The following ASTN1 variants were observed in gnomAD, a reference collection of about 807,000 sequenced individuals.
ASTN1 encodes the protein astrotactin 1, also known as astrotactin-1.
In ASTN1, 41 loss-of-function variants were observed where a neutral mutation model predicts 140.7. The ratio of observed to expected loss-of-function variants is 0.29; its 90% confidence interval spans 0.23 to 0.38. The LOEUF (loss-of-function observed/expected upper bound fraction) is 0.38, where lower values mean the gene tolerates loss of function less well. Ranked by LOEUF, ASTN1 falls within the 10% of genes least tolerant of loss-of-function variation. The pLI is 1.00. For missense variants in ASTN1, 1,479 were observed against 1,678.8 expected, an observed-to-expected ratio of 0.88 and a Z score of 2.08; for synonymous variants, 640 against 652.2, an observed-to-expected ratio of 0.98 and a Z score of 0.29.
intron 1 of ASTN1, among the ~76,000 whole-genome samples, chr1:177,088,299 A>G (rs2102095135): frequency 6.6e-6 from 1 of 152,262 alleles, no homozygotes; most frequent in African/African-American, 2.4e-5. Flanking sequence ...CCAAAGTTCC[A>G]TTGCCAGAGT....
chr1:176,904,798 G>T (rs1571487927), intron 16 of ASTN1, among the ~76,000 whole-genome samples: 1 of 152,288 alleles, frequency 6.6e-6, no homozygotes, highest in South Asian at 2.1e-4. Flanking sequence ...GGCAACTGTG[G>T]CAGAGCAAGA....
In ASTN1 at chr1:176,892,277, G is replaced by C. The variant is rs183958500; in HGVS notation, c.2940+2285C>G. Among the ~76,000 whole-genome samples, 247 of 152,242 alleles carry C rather than the reference G, an allele frequency of 1.6e-3. 1 individual carries two copies. Among genetic ancestry groups the C allele is most frequent in the Non-Finnish European group, 2.8e-3 (192 of 68,020 alleles). ...AGTTCATATTAGATATATAATTCTG[G>C]GTGGTCTGTTAGGGAGACCAGTGAG... On this transcript the variant is annotated intron_variant, in intron 17 of 22. Transcript: ENST00000361833.
chr1:176,886,089 T>G (rs944764213), intron 18 of ASTN1, among the ~76,000 whole-genome samples: 3 of 152,070 alleles, frequency 2.0e-5, no homozygotes, highest in Non-Finnish European at 4.4e-5. Context: ...AGAACACAAA[T>G]TCTGTGAAAA....
chr1:177,049,357 A>C (rs947834066), intron 2 of ASTN1, among the ~76,000 whole-genome samples: 1 of 152,214 alleles, frequency 6.6e-6, no homozygotes, highest in African/African-American at 2.4e-5. Flanking sequence ...ATCAACTATA[A>C]CATCAAACCC....
intron 1 of ASTN1, among the ~76,000 whole-genome samples, chr1:177,076,415 G>A (rs1678915165): frequency 6.6e-6 from 1 of 152,118 alleles, no homozygotes; most frequent in African/African-American, 2.4e-5. Context: ...GGAAACAAAT[G>A]AAGGGGGAAG....
chr1:177,034,270 C>G (rs1676600120), intron 2 of ASTN1, among the ~76,000 whole-genome samples: 1 of 151,872 alleles, frequency 6.6e-6, no homozygotes. Context: ...CACACACACA[C>G]ACACACACAC....
chr1:177,035,489 G>C (rs569620216), intron 2 of ASTN1, among the ~76,000 whole-genome samples: 1 of 152,138 alleles, frequency 6.6e-6, no homozygotes, highest in Non-Finnish European at 1.5e-5. Flanking sequence ...ATAAACAAAC[G>C]ACCTTTAGTA....
chr1:177,083,001 C>T (rs1276448399), intron 1 of ASTN1, among the ~76,000 whole-genome samples: 4 of 152,042 alleles, frequency 2.6e-5, no homozygotes, highest in African/African-American at 9.7e-5. Context: ...CTATTAAACC[C>T]AAGATAAAAG....
intron 16 of ASTN1, among the ~76,000 whole-genome samples, chr1:176,905,427 C>T (rs936261732): frequency 1.4e-4 from 21 of 152,202 alleles, no homozygotes; most frequent in Admixed American, 1.0e-3. Flanking sequence ...AATAATACTA[C>T]TCCAACCGGC....
chr1:176,921,415 T>C (rs1174900557), intron 16 of ASTN1, among the ~76,000 whole-genome samples: 5 of 152,232 alleles, frequency 3.3e-5, no homozygotes, highest in African/African-American at 1.2e-4. Flanking sequence ...AGTATTTTTG[T>C]GCCTTTTGTT....
At chr1:176,916,906 G>A (rs978330414) in intron 16 of ASTN1, among the ~76,000 whole-genome samples, 7 of 151,952 alleles carry the variant, frequency 4.6e-5, no homozygotes, top group Middle Eastern at 3.2e-3. Context: ...TCCCCGCCCC[G>A]CCCACAACCA....
intron 1 of ASTN1, among the ~76,000 whole-genome samples, chr1:177,149,233 AAT>A (rs1285386588): frequency 3.5e-4 from 28 of 79,660 alleles, no homozygotes; most frequent in African/African-American, 1.8e-3. Context: ...ATATATAGTA[AAT>A]ATATATATAC....
At chr1:176,895,837 T>G (rs1401855147) in intron 16 of ASTN1, among the ~76,000 whole-genome samples, 1 of 152,222 alleles carries the variant, frequency 6.6e-6, no homozygotes, top group Admixed American at 6.5e-5. Context: ...AAAAAAGCAC[T>G]GGGTTTCTGA....
At chr1:176,899,602 C>G (rs1162541929) in intron 16 of ASTN1, among the ~76,000 whole-genome samples, 1 of 152,164 alleles carries the variant, frequency 6.6e-6, no homozygotes, top group Non-Finnish European at 1.5e-5. Context: ...TTAGGATCTA[C>G]AGGAAAGAAG....
chr1:177,070,820 T>A (rs1241855678), intron 1 of ASTN1, among the ~76,000 whole-genome samples: 1 of 152,168 alleles, frequency 6.6e-6, no homozygotes, highest in Non-Finnish European at 1.5e-5. Context: ...CTGTTGTTTT[T>A]CACTATCTCA....
intron 1 of ASTN1, among the ~76,000 whole-genome samples, chr1:177,090,393 T>C (rs1478571514): frequency 6.6e-6 from 1 of 152,150 alleles, no homozygotes; most frequent in African/African-American, 2.4e-5. Context: ...CTCCTTGGTA[T>C]TGATATTCTT....
At chr1:177,044,584 G>A (rs1054055620) in intron 2 of ASTN1, among the ~76,000 whole-genome samples, 8 of 152,218 alleles carry the variant, frequency 5.3e-5, no homozygotes, top group Non-Finnish European at 7.3e-5. Context: ...ACCTGCCAGG[G>A]AAAGTGACAA....
At chr1:177,122,552 G>A (rs371999189) in intron 1 of ASTN1, among the ~76,000 whole-genome samples, 9 of 152,118 alleles carry the variant, frequency 5.9e-5, no homozygotes, top group Admixed American at 1.3e-4. Flanking sequence ...ATCCTGCTGC[G>A]CCTCACCACT....
chr1:176,998,914 C>A (rs1285778226), intron 8 of ASTN1, among the ~76,000 whole-genome samples: 1 of 152,180 alleles, frequency 6.6e-6, no homozygotes, highest in Admixed American at 6.5e-5. Context: ...GGCAAGGTAC[C>A]AAACTTCCTT....
Sources: allele counts gnomAD v4.1 joint callset (sites outside exome capture counted in the v4.1 genomes callset), GRCh38; gene constraint gnomAD v4.1.1; transcripts MANE v1.5; gene names NCBI Gene and HGNC (gene_info 2026-07-23, HGNC 2026-07-21).